Variants in DUSP4 observed in about 807,000 individuals in gnomAD.
DUSP4 encodes dual specificity phosphatase 4, also known as dual specificity protein phosphatase 4.
In DUSP4, 12 loss-of-function variants were observed where a neutral mutation model predicts 27.2. The observed-to-expected ratio is 0.44, with a 90% CI of 0.28 to 0.71. The LOEUF is 0.71. Ranked by LOEUF, DUSP4 falls within the 30% of genes least tolerant of loss-of-function variation. The pLI is 0.14. For missense variants in DUSP4, 448 were observed against 551.3 expected (o/e 0.81, Z 1.88); for synonymous variants, 257 against 245.2 (o/e 1.05, Z -0.45).
intron 1 of DUSP4, among the ~76,000 whole-genome samples, chr8:29,347,072 T>A (rs963117078): frequency 1.3e-5 from 2 of 152,108 alleles, no homozygotes; most frequent in South Asian, 4.2e-4. Context: ...ATTACTCCAG[T>A]AGGAAACAAA....
At chr8:29,340,071 C>A in intron 2 of DUSP4, 27 bp downstream of exon 2, 1 of 1,551,294 alleles carries the variant, frequency 6.4e-7, no homozygotes, top group Non-Finnish European at 8.7e-7. Flanking sequence ...CTGCCCCCCA[C>A]TTCCAAGCCC....
At chr8:29,346,289 T>G (rs902598641) in intron 1 of DUSP4, among the ~76,000 whole-genome samples, 1 of 152,210 alleles carries the variant, frequency 6.6e-6, no homozygotes, top group African/African-American at 2.4e-5. Context: ...TCTTCCCCAT[T>G]TCTCCAACAG....
Position 29,350,494 on chromosome 8 carries a change from C to A in DUSP4, c.-216G>T, listed in dbSNP as rs1817807696. 1 of 580,474 alleles carries A rather than the reference C, an allele frequency of 1.7e-6. No homozygotes were observed. The highest frequency in any genetic ancestry group is 2.9e-6 in the Non-Finnish European group (1 of 348,968). 36.0% of individuals were successfully genotyped at this position (580,474 alleles called of 1,614,324 possible). A position where few individuals can be genotyped will look rare whatever the true frequency, so the allele number is the denominator to read the frequency against. ...ATAGCAGTCGGAGCGGCCTCGGGCG[C>A]CCAGCCGGGCGGCGCGCAGAGCGGA... On this transcript the variant is annotated 5_prime_UTR_variant, in exon 1 of 4. Coordinates refer to ENST00000240100, the MANE Select transcript of DUSP4 (RefSeq NM_001394.7).
chr8:29,343,470 C>G (rs1817684889), intron 1 of DUSP4, among the ~76,000 whole-genome samples: 1 of 152,284 alleles, frequency 6.6e-6, no homozygotes, highest in South Asian at 2.1e-4. Flanking sequence ...TCAAGTCCAC[C>G]CCCCACAGGG....
At position 29,335,823 on chromosome 8, in the gene DUSP4, C is replaced by A. The variant is rs182743701; in HGVS notation, c.*1203G>T. ...TGTAATATGGCATATTGATCACAGACGATAGACAAGTCTTAGGCAGGTTTA... is the reference window on the plus strand; with the variant it reads ...TGTAATATGGCATATTGATCACAGAAGATAGACAAGTCTTAGGCAGGTTTA... On this transcript the variant is annotated 3_prime_UTR_variant, in exon 4 of 4. Coordinates refer to ENST00000240100, the MANE Select transcript of DUSP4 (RefSeq NM_001394.7). 1.3e-5 allele frequency: 2 copies of A among 152,152 alleles called. No individual in the cohort carries two copies. The highest frequency in any genetic ancestry group is 4.8e-5 in the African/African-American group (2 of 41,424). 9.4% of individuals were successfully genotyped at this position (152,152 alleles called of 1,614,324 possible).
intron 1 of DUSP4, among the ~76,000 whole-genome samples, chr8:29,343,550 C>A (rs1817685984): frequency 6.6e-6 from 1 of 152,188 alleles, no homozygotes; most frequent in African/African-American, 2.4e-5. Context: ...TCCTGGTGGG[C>A]CCTTCTCCAG....
Position 29,337,123 on chromosome 8 carries a change from T to TGAAGACCGGAAA in DUSP4, c.1087_1088insTTTCCGGTCTTC (p.Ser362_Gln363insLeuSerGlyLeu). 1 of 1,610,908 alleles carries TGAAGACCGGAAA rather than the reference T, an allele frequency of 6.2e-7. No homozygotes were observed. ...GGAGACCGGAAAGCTGAAGACGAACTGCGAGGTGGGGGTGGCGGGGGTCTT... is the reference window on the plus strand; with the variant it reads ...GGAGACCGGAAAGCTGAAGACGAACTGAAGACCGGAAAGCGAGGTGGGGGTGGCGGGGGTCTT... On this transcript the variant is annotated inframe_insertion, in exon 4 of 4. Transcript: ENST00000240100. This position sits in a 1 kb window ranked among gnomAD's most constrained non-coding sequence, Gnocchi z 6.4.
intron 1 of DUSP4, among the ~76,000 whole-genome samples, chr8:29,346,925 T>C (rs906731529): frequency 6.6e-6 from 1 of 152,258 alleles, no homozygotes. Flanking sequence ...TTGCTTTTAC[T>C]GCTTCTCCTA....
At chr8:29,338,202 C>T in intron 3 of DUSP4, 80 bp downstream of exon 3, 3 of 1,474,424 alleles carry the variant, frequency 2.0e-6, no homozygotes, top group Non-Finnish European at 2.8e-6. Flanking sequence ...CAATGTCCAC[C>T]TTCAACCCAG....
chr8:29,348,387 C>T (rs1266353640), intron 1 of DUSP4: 67 of 985,546 alleles, frequency 6.8e-5, no homozygotes, highest in Non-Finnish European at 7.8e-5. Context: ...CGGGACAAGC[C>T]CCTTCCTGGC....
chr8:29,334,335 TG>T lies in DUSP4; in HGVS notation c.*2690del, dbSNP rs1817538669. 2 of 152,242 alleles carry T rather than the reference TG, an allele frequency of 1.3e-5. No homozygotes were observed. The highest frequency in any genetic ancestry group is 6.5e-5 in the Admixed American group (1 of 15,288). 9.4% of individuals were successfully genotyped at this position (152,242 alleles called of 1,614,324 possible). On this transcript the variant is annotated 3_prime_UTR_variant, in exon 4 of 4. Coordinates refer to ENST00000240100, the MANE Select transcript of DUSP4 (RefSeq NM_001394.7). ...GGGGTGGTATCTTCATCAGAGCTAT[TG>T]TAAGTCATCCAAAAGGCTTCTGACG...
At position 29,345,304 on chromosome 8, in the gene DUSP4, T is replaced by C. The variant is rs138149277; in HGVS notation, c.433+4542A>G. 8.2e-4 allele frequency: 1,299 copies of C among 1,579,978 alleles called. 26 individuals carry two copies. In the East Asian group the frequency reaches 0.021, roughly 26 times the overall value. ...TTGGGAACTCTACTTTATGTGACTG[T>C]TGACTTAGTAAGCACCTATGTAAAT... On this transcript the variant is annotated intron_variant, in intron 1 of 3. Transcript: ENST00000240100.
intron 1 of DUSP4, 77 bp downstream of exon 1, chr8:29,349,769 C>G: frequency 2.1e-6 from 3 of 1,412,590 alleles, no homozygotes; most frequent in Non-Finnish European, 2.8e-6. Flanking sequence ...GGACTCCTTC[C>G]CGTGCCAATA....
intron 1 of DUSP4, chr8:29,345,758 A>C: frequency 7.7e-6 from 10 of 1,297,420 alleles, no homozygotes; most frequent in Non-Finnish European, 9.7e-6. Context: ...GTCAAATTTC[A>C]CTCTCAATTT....
In DUSP4 at chr8:29,350,633, C is replaced by T; in HGVS notation, c.-355G>A. Reference sequence around the variant, plus strand: ...GCGCGGCTCCTGTCGCCACTGGCGCCAGCGCTGCCCTGCCTACGCTCCTCC... The same window carrying T: ...GCGCGGCTCCTGTCGCCACTGGCGCTAGCGCTGCCCTGCCTACGCTCCTCC... On this transcript the variant is annotated 5_prime_UTR_variant, in exon 1 of 4. Transcript: ENST00000240100. 7.6e-6 allele frequency: 2 copies of T among 263,226 alleles called. No individual in the cohort carries two copies. Among genetic ancestry groups the T allele is most frequent in the Non-Finnish European group, 1.4e-5 (2 of 140,492 alleles). 16.3% of individuals were successfully genotyped at this position (263,226 alleles called of 1,614,324 possible).
At position 29,333,266 on chromosome 8, in the gene DUSP4, G is replaced by A. The variant is rs1769660755; in HGVS notation, c.*3760C>T. The stretch of plus-strand genomic sequence containing the variant: ...TATTTACACAAGTTACAAGAATTGC[G>A]TTGCTGTCTTTAAGAAGTCTCCTCC... On this transcript the variant is annotated 3_prime_UTR_variant, in exon 4 of 4. Coordinates refer to ENST00000240100, the MANE Select transcript of DUSP4 (RefSeq NM_001394.7). 1 of 152,222 alleles carries A rather than the reference G, an allele frequency of 6.6e-6. No homozygotes were observed. The highest frequency in any genetic ancestry group is 2.4e-5 in the African/African-American group (1 of 41,460). 9.4% of individuals were successfully genotyped at this position (152,222 alleles called of 1,614,324 possible).
At chr8:29,345,883 A>T (rs1055291892) in intron 1 of DUSP4, 1 of 1,026,592 alleles carries the variant, frequency 9.7e-7, no homozygotes, top group African/African-American at 1.7e-5. Context: ...CTAGCAACTT[A>T]TGCTTCCAGT....
Position 29,337,170 on chromosome 8 carries a change from C to G in DUSP4, c.1041G>C (p.Ser347=). 6.2e-7 allele frequency: 1 copy of G among 1,611,868 alleles called. No homozygotes were observed. Among genetic ancestry groups the G allele is most frequent in the Middle Eastern group, 1.7e-4 (1 of 6,058 alleles). ...TCTTGCCCCGCTCCCGCAGGGGTCCCGAGGGGCTAGCAGCCTCCGCAGCAC... is the reference window on the plus strand; with the variant it reads ...TCTTGCCCCGCTCCCGCAGGGGTCCGGAGGGGCTAGCAGCCTCCGCAGCAC... ...TSCAAEAASP[S]GPLRERGKTP... The change falls in exon 4 of 4, where the codon TCG becomes TCC. Residue 347 remains serine (S), a synonymous_variant. Coordinates refer to ENST00000240100, the MANE Select transcript of DUSP4 (RefSeq NM_001394.7). The surrounding 1 kb of genome is among the most constrained non-coding windows in gnomAD (Gnocchi z 6.4).
chr8:29,337,453 C>T lies in DUSP4; in HGVS notation c.800-42G>A, dbSNP rs1028109078. The T allele has an allele frequency of 6.5e-7, 1 of 1,542,198 alleles. No homozygotes were observed. Among genetic ancestry groups the T allele is most frequent in the Non-Finnish European group, 8.7e-7 (1 of 1,149,530 alleles). ...ATAGGTTAGTGCACGTTTCTGCAGA[C>T]CCCAGCCCCGACCAGGGGCACCGGC... On this transcript the variant is annotated intron_variant, in intron 3 of 3. Transcript: ENST00000240100. The surrounding 1 kb of genome is among the most constrained non-coding windows in gnomAD (Gnocchi z 6.4).
Sources: allele counts gnomAD v4.1 joint callset (sites outside exome capture counted in the v4.1 genomes callset), GRCh38; gene constraint gnomAD v4.1.1; non-coding constraint Gnocchi (gnomAD v3.1); transcripts MANE v1.5; gene names NCBI Gene and HGNC (gene_info 2026-07-23, HGNC 2026-07-21).